Variants in PRICKLE1 observed in about 807,000 individuals in gnomAD.
PRICKLE1 encodes the protein prickle-like protein 1.
Under a neutral mutation model 70.2 loss-of-function variants are expected in PRICKLE1, and 14 were observed. The observed-to-expected ratio is 0.20, with a 90% CI of 0.13 to 0.31. The LOEUF is 0.31. Ranked by LOEUF, PRICKLE1 falls within the 10% of genes least tolerant of loss-of-function variation. The pLI, the probability that PRICKLE1 is intolerant of heterozygous loss-of-function variation, is 1.00. For synonymous variants in PRICKLE1, 357 were observed against 379.9 expected, an observed-to-expected ratio of 0.94 and a Z score of 0.70; for missense variants, 821 against 1,026.2, an observed-to-expected ratio of 0.80 and a Z score of 2.73.
intron 1 of PRICKLE1, among the ~76,000 whole-genome samples, chr12:42,544,493 A>G (rs1405312629): frequency 2.0e-5 from 3 of 152,078 alleles, no homozygotes. Context: ...CCCTACTCCC[A>G]TCTTCCCATC....
At chr12:42,489,009 C>T (rs1425512656) in intron 1 of PRICKLE1, among the ~76,000 whole-genome samples, 3 of 151,384 alleles carry the variant, frequency 2.0e-5, no homozygotes, top group East Asian at 1.9e-4. Flanking sequence ...CCACAACCTC[C>T]GCCTCCCAGG....
At chr12:42,492,644 T>C (rs1262619396) in intron 1 of PRICKLE1, among the ~76,000 whole-genome samples, 2 of 152,370 alleles carry the variant, frequency 1.3e-5, no homozygotes, top group South Asian at 2.1e-4. Flanking sequence ...TTAATTAGAC[T>C]GCACCAGGGC....
chr12:42,579,197 G>A (rs775487960), intron 1 of PRICKLE1, among the ~76,000 whole-genome samples: 2 of 152,188 alleles, frequency 1.3e-5, no homozygotes, highest in Non-Finnish European at 2.9e-5. Context: ...AAGAGGATTG[G>A]GGAGTGCTAG....
chr12:42,500,248 C>A (rs1939281328), intron 1 of PRICKLE1, among the ~76,000 whole-genome samples: 1 of 152,178 alleles, frequency 6.6e-6, no homozygotes, highest in African/African-American at 2.4e-5. Context: ...ACAAATGACA[C>A]CCTGAGCTTT....
intron 1 of PRICKLE1, among the ~76,000 whole-genome samples, chr12:42,584,151 A>G (rs1462042795): frequency 6.6e-6 from 1 of 152,148 alleles, no homozygotes; most frequent in Non-Finnish European, 1.5e-5. Context: ...ATTCCCCTCT[A>G]TCCCCCATTT....
chr12:42,519,732 G>A (rs897761906), intron 1 of PRICKLE1, among the ~76,000 whole-genome samples: 5 of 152,222 alleles, frequency 3.3e-5, no homozygotes, highest in African/African-American at 1.2e-4. Context: ...AACACTTCTA[G>A]AAGGAGTGGC....
intron 1 of PRICKLE1, among the ~76,000 whole-genome samples, chr12:42,565,842 C>T (rs902261430): frequency 1.3e-5 from 2 of 152,170 alleles, no homozygotes; most frequent in African/African-American, 2.4e-5. Context: ...CCACACTGCC[C>T]TCTGGGAGCT....
In PRICKLE1 at chr12:42,459,015, T is replaced by C. The variant is rs1937684338; in HGVS notation, c.*794A>G. 1 of 345,326 alleles carries C rather than the reference T, an allele frequency of 2.9e-6. No homozygotes were observed. 21.4% of individuals were successfully genotyped at this position (345,326 alleles called of 1,614,324 possible). On this transcript the variant is annotated 3_prime_UTR_variant, in exon 8 of 8. Transcript: ENST00000345127. ...AGTTGAATTTTCCATCACTAGGCAA[T>C]GTAAATTTGACCATCTACATTTATA...
intron 1 of PRICKLE1, among the ~76,000 whole-genome samples, chr12:42,491,327 C>T (rs370427651): frequency 1.7e-4 from 25 of 150,906 alleles, no homozygotes; most frequent in African/African-American, 5.4e-4. Context: ...CCGAGGTGGG[C>T]GGATCACCTG....
At chr12:42,540,585 G>A (rs200804810) in intron 1 of PRICKLE1, among the ~76,000 whole-genome samples, 2 of 152,084 alleles carry the variant, frequency 1.3e-5, no homozygotes, top group East Asian at 3.9e-4. Context: ...TTTTTGAGAT[G>A]GAGTTTTGCT....
At chr12:42,521,929 G>GGT (rs72169209) in intron 1 of PRICKLE1, among the ~76,000 whole-genome samples, 7,173 of 139,612 alleles carry the variant, frequency 0.051, 240 homozygotes, top group African/African-American at 0.094. Context: ...GTTTGTTTTT[G>GGT]GTGTGTGTGT....
intron 1 of PRICKLE1, among the ~76,000 whole-genome samples, chr12:42,559,351 A>G (rs756264340): frequency 1.6e-4 from 24 of 152,230 alleles, no homozygotes; most frequent in Middle Eastern, 3.4e-3. Context: ...TGCCATGCTA[A>G]CAGAAATATC....
intron 1 of PRICKLE1, among the ~76,000 whole-genome samples, chr12:42,475,484 A>T (rs1042901587): frequency 7.9e-5 from 12 of 152,104 alleles, no homozygotes; most frequent in African/African-American, 2.9e-4. Context: ...TGTGATCCTA[A>T]ACCCCTGCAA....
intron 1 of PRICKLE1, among the ~76,000 whole-genome samples, chr12:42,579,093 G>A (rs566228737): frequency 6.8e-4 from 103 of 152,230 alleles, no homozygotes; most frequent in African/African-American, 2.4e-3. Flanking sequence ...ACATTAAAAT[G>A]GCAGTAGACA....
At chr12:42,500,823 C>T (rs1430552203) in intron 1 of PRICKLE1, among the ~76,000 whole-genome samples, 3 of 152,096 alleles carry the variant, frequency 2.0e-5, no homozygotes, top group South Asian at 2.1e-4. Context: ...TATTAGAACT[C>T]GTATCACATG....
At position 42,551,209 on chromosome 12, in the gene PRICKLE1, G is replaced by A. The variant is rs1051594579; in HGVS notation, c.-49+38256C>T. Reference sequence around the variant, plus strand: ...ATGCAACCTTCAATTTTAAACTTACGGTAGCTTAAATAACTATAATTGTAC... The same window carrying A: ...ATGCAACCTTCAATTTTAAACTTACAGTAGCTTAAATAACTATAATTGTAC... On this transcript the variant is annotated intron_variant, in intron 1 of 7. Transcript: ENST00000345127. Among the ~76,000 whole-genome samples, 13 of 152,120 alleles carry A rather than the reference G, an allele frequency of 8.5e-5. No homozygotes were observed. In the South Asian group the frequency reaches 1.0e-3, roughly 12 times the overall value.
intron 1 of PRICKLE1, among the ~76,000 whole-genome samples, chr12:42,477,993 G>A (rs1455017805): frequency 1.4e-5 from 2 of 139,836 alleles, no homozygotes; most frequent in East Asian, 2.0e-4. Context: ...TTATTTGGAC[G>A]TTACTTTAAA....
intron 1 of PRICKLE1, among the ~76,000 whole-genome samples, chr12:42,545,992 T>C (rs567109292): frequency 3.9e-5 from 6 of 151,922 alleles, no homozygotes; most frequent in Admixed American, 2.0e-4. Context: ...TTCAAGTAAT[T>C]TCTTAATCAG....
intron 1 of PRICKLE1, among the ~76,000 whole-genome samples, chr12:42,488,270 A>G (rs889482013): frequency 3.3e-5 from 5 of 152,094 alleles, no homozygotes; most frequent in Non-Finnish European, 7.4e-5. Context: ...TGATTATGAC[A>G]CTAATACCAG....
Sources: gnomAD v4.1 joint callset for allele counts (sites outside exome capture counted in the v4.1 genomes callset) on GRCh38, gnomAD v4.1.1 for gene constraint, MANE v1.5 for transcripts, NCBI Gene and HGNC (gene_info 2026-07-23, HGNC 2026-07-21) for gene names.